The following KRT6A variants were observed in gnomAD, a reference collection of about 807,000 sequenced individuals.
The protein encoded by KRT6A is keratin 6A, also known as keratin, type II cytoskeletal 6A.
A neutral mutation model predicts 48.6 loss-of-function variants in KRT6A; 28 were observed. The observed-to-expected ratio is 0.58, with a 90% CI of 0.43 to 0.79. The LOEUF is 0.79. Among genes scored for constraint, KRT6A ranks in the 30% least tolerant of loss-of-function variants. The pLI is 0.00. For synonymous variants in KRT6A, 301 were observed against 294.2 expected, an observed-to-expected ratio of 1.02 and a Z score of -0.24; for missense variants, 687 against 724.3, an observed-to-expected ratio of 0.95 and a Z score of 0.59.
chr12:52,491,089 A>G (rs1225922063), intron 3 of KRT6A, 23 bp downstream of exon 3: 2 of 1,613,912 alleles, frequency 1.2e-6, no homozygotes, highest in South Asian at 2.2e-5. Context: ...AATGAATTTG[A>G]ACCCCCGGCT....
At chr12:52,488,845 G>A (rs1037708539) in intron 6 of KRT6A, among the ~76,000 whole-genome samples, 1 of 152,178 alleles carries the variant, frequency 6.6e-6, no homozygotes, top group African/African-American at 2.4e-5. Context: ...GGTTTGTTTG[G>A]AGTGTTGTCT....
intron 2 of KRT6A, 151 bp from the exon 3 acceptor site, chr12:52,491,323 A>C: frequency 6.7e-7 from 1 of 1,496,810 alleles, no homozygotes; most frequent in Non-Finnish European, 9.3e-7. Flanking sequence ...GCTTCTGCTA[A>C]ATTTGCCACT....
chr12:52,492,125 G>C (rs924869399), intron 1 of KRT6A, among the ~76,000 whole-genome samples: 6 of 152,182 alleles, frequency 3.9e-5, no homozygotes, highest in African/African-American at 1.2e-4. Flanking sequence ...CCAATGATTT[G>C]ATTCCCGTCT....
At chr12:52,489,734 C>A (rs1288170615) in intron 6 of KRT6A, among the ~76,000 whole-genome samples, 3 of 152,178 alleles carry the variant, frequency 2.0e-5, no homozygotes, top group African/African-American at 7.2e-5. Context: ...CAGCTCTGAG[C>A]ATCGTGACTG....
At chr12:52,491,789 G>T in intron 1 of KRT6A, 53 bp from the exon 2 acceptor site, 2 of 1,609,482 alleles carry the variant, frequency 1.2e-6, no homozygotes, top group South Asian at 2.2e-5. Context: ...AAGAAAAAGT[G>T]TCTGGTATCC....
Position 52,492,928 on chromosome 12 carries a change from G to A in KRT6A, c.261C>T (p.Ala87=), listed in dbSNP as rs534450631. The A allele has an allele frequency of 1.9e-5, 30 of 1,607,156 alleles. No homozygotes were observed. Among genetic ancestry groups the A allele is most frequent in the Admixed American group, 8.4e-5 (5 of 59,538 alleles). ...CAISGGYGSR[A]GGSYGFGGAG... ...CGCCACCAAAGCCATAGCTGCCTCC[G>A]GCTCTGCTGCCATAGCCGCCACTGA... The change falls in exon 1 of 9, where the codon GCC becomes GCT. Residue 87 remains alanine, a synonymous_variant. Transcript: ENST00000330722.
rs1231919541 is a variant in KRT6A at position 52,487,244 on chromosome 12, C to T, written c.*476G>A. 1 of 180,394 alleles carries T rather than the reference C, an allele frequency of 5.5e-6. No individual in the cohort carries two copies. The highest frequency in any genetic ancestry group is 1.2e-5 in the Non-Finnish European group (1 of 83,952). The allele number at this position is 180,394 out of a possible 1,614,324, so 11.2% of individuals were successfully genotyped here. A position where few individuals can be genotyped will look rare whatever the true frequency, so the allele number is the denominator to read the frequency against. ...GAGCACAGAAATCATCACAGAGATACAGGCTTTGTACATCATAGGACTAGT... is the reference window on the plus strand; with the variant it reads ...GAGCACAGAAATCATCACAGAGATATAGGCTTTGTACATCATAGGACTAGT... On this transcript the variant is annotated 3_prime_UTR_variant, in exon 9 of 9. Transcript: ENST00000330722.
At position 52,491,540 on chromosome 12, in the gene KRT6A, A is replaced by G; in HGVS notation, c.737T>C (p.Val246Ala). Residue 246 changes from valine (V) to alanine (A), a missense_variant, in exon 2 of 9, where the codon GTG becomes GCG. Val to Ala is a moderately conservative substitution (Grantham distance 64, BLOSUM62 0). Coordinates refer to ENST00000330722, the MANE Select transcript of KRT6A (RefSeq NM_005554.4). ...DSELRGMQDL[V>A]EDFKNKYEDE... Reference sequence around the variant, plus strand: ...AACTCACTTGTTCTTGAAGTCCTCCACCAGGTCCTGCATGCCTCTGAGCTC... The same window carrying G: ...AACTCACTTGTTCTTGAAGTCCTCCGCCAGGTCCTGCATGCCTCTGAGCTC... 6.2e-7 allele frequency: 1 copy of G among 1,614,030 alleles called. No individual in the cohort carries two copies. Among genetic ancestry groups the G allele is most frequent in the Non-Finnish European group, 8.5e-7 (1 of 1,179,992 alleles).
Position 52,491,528 on chromosome 12 carries a change from T to C in KRT6A, c.749A>G (p.Lys250Arg), listed in dbSNP as rs1411019446. Residue 250 changes from lysine to arginine, a missense_variant, in exon 2 of 9, where the codon AAG (lysine) becomes AGG (arginine). This residue lies in a region of KRT6A where 566 missense variants were observed against 565.3 expected (regional missense o/e 1.00). Coordinates refer to ENST00000330722, the MANE Select transcript of KRT6A (RefSeq NM_005554.4). ...RGMQDLVEDFKNKYEDEINKR... is the reference protein window; with the variant it reads ...RGMQDLVEDFRNKYEDEINKR... Reference sequence around the variant, plus strand: ...TTTCTCCTGTTTAACTCACTTGTTCTTGAAGTCCTCCACCAGGTCCTGCAT... The same window carrying C: ...TTTCTCCTGTTTAACTCACTTGTTCCTGAAGTCCTCCACCAGGTCCTGCAT... 6.2e-7 allele frequency: 1 copy of C among 1,614,082 alleles called. No homozygotes were observed. The highest frequency in any genetic ancestry group is 8.5e-7 in the Non-Finnish European group (1 of 1,180,032).
Position 52,487,691 on chromosome 12 carries a change from C to G in KRT6A, c.*29G>C, listed in dbSNP as rs201116384. The G allele has an allele frequency of 6.2e-7, 1 of 1,614,082 alleles. No homozygotes were observed. Among genetic ancestry groups the G allele is most frequent in the East Asian group, 2.2e-5 (1 of 44,876 alleles). ...CTGCAGCCAGAGAGGGGCCTGAGGA[C>G]TGTGGGACCGAGAGCTAGCAGACGC... On this transcript the variant is annotated 3_prime_UTR_variant, in exon 9 of 9. Coordinates refer to ENST00000330722, the MANE Select transcript of KRT6A (RefSeq NM_005554.4).
In KRT6A at chr12:52,488,687, T is replaced by C. The variant is rs1938197614; in HGVS notation, c.1204-139A>G. 4 of 1,096,074 alleles carry C rather than the reference T, an allele frequency of 3.6e-6. No individual in the cohort carries two copies. The Admixed American group carries it at 9.6e-5, about 26-fold the overall frequency. The allele number at this position is 1,096,074 out of a possible 1,614,324, so 67.9% of individuals were successfully genotyped here. ...GCTCTGACTCTTCCTATCTATTGTTTTTTTTTTTATTTTGCAGTTTTTGTC... is the reference window on the plus strand; with the variant it reads ...GCTCTGACTCTTCCTATCTATTGTTCTTTTTTTTATTTTGCAGTTTTTGTC... On this transcript the variant is annotated intron_variant, in intron 6 of 8. Transcript: ENST00000330722.
At position 52,487,293 on chromosome 12, in the gene KRT6A, C is replaced by T. The variant is rs559005284; in HGVS notation, c.*427G>A. ...GTCACTTGTGCTTTCATGGATACTGCCTGGGTGGGGGTTCACAACACTTAT... is the reference window on the plus strand; with the variant it reads ...GTCACTTGTGCTTTCATGGATACTGTCTGGGTGGGGGTTCACAACACTTAT... On this transcript the variant is annotated 3_prime_UTR_variant, in exon 9 of 9. Coordinates refer to ENST00000330722, the MANE Select transcript of KRT6A (RefSeq NM_005554.4). 133 of 261,728 alleles carry T rather than the reference C, an allele frequency of 5.1e-4. 3 individuals are homozygous for T. Among genetic ancestry groups the T allele is most frequent in the Admixed American group, 3.5e-4 (7 of 19,902 alleles). The allele number at this position is 261,728 out of a possible 1,614,324, so 16.2% of individuals were successfully genotyped here. A position where few individuals can be genotyped will look rare whatever the true frequency, so the allele number is the denominator to read the frequency against.
rs1265207070 is a variant in KRT6A at position 52,487,648 on chromosome 12, C to A, written c.*72G>T. 3 of 1,604,246 alleles carry A rather than the reference C, an allele frequency of 1.9e-6. No individual in the cohort carries two copies. Among genetic ancestry groups the A allele is most frequent in the East Asian group, 2.2e-5 (1 of 44,782 alleles). ...AGACTGGAGGCCAGGAGAGGAAAGG[C>A]AACCTGAGGAGAGGGCTCTGCAGCC... On this transcript the variant is annotated 3_prime_UTR_variant, in exon 9 of 9. Transcript: ENST00000330722.
Position 52,491,745 on chromosome 12 carries a change from G to A in KRT6A, c.541-9C>T. On this transcript the variant is annotated splice_polypyrimidine_tract_variant and intron_variant, in intron 1 of 8. Transcript: ENST00000330722. The stretch of plus-strand genomic sequence containing the variant: ...TGCTCCAGGAACCGCACCTGAAAGA[G>A]AGACAAGATGATCATTTTCCAGGCA... 2 of 1,614,162 alleles carry A rather than the reference G, an allele frequency of 1.2e-6. No individual in the cohort carries two copies. Among genetic ancestry groups the A allele is most frequent in the Non-Finnish European group, 8.5e-7 (1 of 1,180,016 alleles).
chr12:52,487,850 C>T lies in KRT6A; in HGVS notation c.1565G>A (p.Gly522Asp), dbSNP rs780777904. 4 of 1,614,044 alleles carry T rather than the reference C, an allele frequency of 2.5e-6. No homozygotes were observed. Among genetic ancestry groups the T allele is most frequent in the East Asian group, 2.2e-5 (1 of 44,876 alleles). The change falls in exon 9 of 9, where the codon GGC (glycine) becomes GAC (aspartate). Residue 522 changes from glycine (G) to aspartate (D), a missense_variant. This residue lies in a region of KRT6A where 566 missense variants were observed against 565.3 expected (regional missense o/e 1.00). Coordinates refer to ENST00000330722, the MANE Select transcript of KRT6A (RefSeq NM_005554.4). Reference protein sequence around the residue: ...GSSYSYGSGLGVGGGFSSSSG... With the variant: ...GSSYSYGSGLDVGGGFSSSSG... ...GCTGGAACTGAAGCCACCTCCAACG[C>T]CAAGACCACTGCCATAGGAGTAGCT... is the stretch of plus-strand genomic sequence containing the variant.
Position 52,492,686 on chromosome 12 carries a change from T to C in KRT6A, c.503A>G (p.Lys168Arg). 2 of 1,614,020 alleles carry C rather than the reference T, an allele frequency of 1.2e-6. No individual in the cohort carries two copies. Among genetic ancestry groups the C allele is most frequent in the Non-Finnish European group, 1.7e-6 (2 of 1,179,928 alleles). ...GGAGGCAAACTTGTTGTTGAGGGTC[T>C]TGATCTGTTCACGCTCCTCAGCCCG... ...RVRAEEREQI[K>R]TLNNKFASFI... Residue 168 changes from lysine to arginine, a missense_variant, in exon 1 of 9, where the codon AAG becomes AGG. Transcript: ENST00000330722.
At chr12:52,488,956 T>A (rs1284062332) in intron 6 of KRT6A, among the ~76,000 whole-genome samples, 3 of 152,242 alleles carry the variant, frequency 2.0e-5, no homozygotes, top group Admixed American at 2.0e-4. Flanking sequence ...AGTCTTCACA[T>A]GAGACTGCTG....
At position 52,488,410 on chromosome 12, in the gene KRT6A, A is replaced by T. The variant is rs767275249; in HGVS notation, c.1342T>A (p.Tyr448Asn). Residue 448 changes from tyrosine to asparagine, a missense_variant, in exon 7 of 9, where the codon TAC (tyrosine) becomes AAC (asparagine). By Grantham distance (143) the Tyr-to-Asn change is moderately radical. Coordinates refer to ENST00000330722, the MANE Select transcript of KRT6A (RefSeq NM_005554.4). Reference protein sequence around the residue: ...KQDLARLLKEYQELMNVKLAL... With the variant: ...KQDLARLLKENQELMNVKLAL... The stretch of plus-strand genomic sequence containing the variant: ...AGCTTGACATTCATCAGCTCCTGGT[A>T]CTCCTTCAGCAGCCGGGCCAGGTCC... 14 of 1,613,396 alleles carry T rather than the reference A, an allele frequency of 8.7e-6. No homozygotes were observed. Among genetic ancestry groups the T allele is most frequent in the African/African-American group, 1.3e-5 (1 of 74,656 alleles).
At chr12:52,488,989 A>G (rs1298474900) in intron 6 of KRT6A, among the ~76,000 whole-genome samples, 1 of 152,186 alleles carries the variant, frequency 6.6e-6, no homozygotes, top group Non-Finnish European at 1.5e-5. Flanking sequence ...CCTCCCCCTC[A>G]GAATCTCTCA....
Sources: allele counts gnomAD v4.1 joint callset (sites outside exome capture counted in the v4.1 genomes callset), GRCh38; gene constraint gnomAD v4.1.1; regional missense constraint gnomAD v4.1.1; transcripts MANE v1.5; gene names NCBI Gene and HGNC (gene_info 2026-07-23, HGNC 2026-07-21).